LRRC74B: variants seen among roughly 807,000 people sequenced by gnomAD.
LRRC74B encodes leucine-rich repeat-containing protein 74B.
LRRC74B carries 30 observed loss-of-function variants against 16.6 expected under a neutral mutation model. The ratio of observed to expected loss-of-function variants is 1.80; its 90% confidence interval spans 1.35 to 2.45. The LOEUF is 2.45. Among genes scored for constraint, LRRC74B ranks in the 30% most tolerant of loss-of-function variants. LRRC74B has a pLI of 0.00. For missense variants in LRRC74B, 326 were observed against 202.4 expected, an observed-to-expected ratio of 1.61 and a Z score of -3.71; for synonymous variants, 134 against 86.0, an observed-to-expected ratio of 1.56 and a Z score of -3.09.
chr22:21,060,023 G>A (rs367938597), intron 8 of LRRC74B, among the ~76,000 whole-genome samples: 5,422 of 151,804 alleles, frequency 0.036, 214 homozygotes, highest in African/African-American at 0.1. Context: ...CAGCATAGCC[G>A]GGCATGGTGG....
intron 7 of LRRC74B, among the ~76,000 whole-genome samples, chr22:21,055,678 GGTAC>G (rs1057452230): frequency 2.6e-5 from 4 of 152,114 alleles, no homozygotes; most frequent in African/African-American, 9.7e-5. Flanking sequence ...GCCCACAGCA[GGTAC>G]GTGCTGGGGG....
intron 5 of LRRC74B, 136 bp downstream of exon 5, chr22:21,052,494 G>A (rs1184758337): frequency 1.1e-5 from 7 of 619,966 alleles, no homozygotes; most frequent in Non-Finnish European, 2.0e-5. Flanking sequence ...TGTTTCTTTA[G>A]GTGATTTTAA....
intron 4 of LRRC74B, among the ~76,000 whole-genome samples, chr22:21,049,715 C>T (rs1929831067): frequency 6.6e-6 from 1 of 151,684 alleles, no homozygotes; most frequent in Non-Finnish European, 1.5e-5. Context: ...CGTGGCCAGG[C>T]TGTGGGGTGG....
rs1213515165 is a variant in LRRC74B at position 21,055,177 on chromosome 22, G to A, written c.927+1G>A. On this transcript the variant is annotated splice_donor_variant, in intron 7 of 8. Coordinates refer to ENST00000442047, the Ensembl canonical transcript of LRRC74B. LOFTEE classifies it high-confidence loss of function. Reference sequence around the variant, plus strand: ...CAACCAGACGCTGAGGATTCTTGTAGTGAGTGCTAGCCTGATGACTGAGAC... The same window carrying A: ...CAACCAGACGCTGAGGATTCTTGTAATGAGTGCTAGCCTGATGACTGAGAC... 1 of 715,472 alleles carries A rather than the reference G, an allele frequency of 1.4e-6. No homozygotes were observed. The highest frequency in any genetic ancestry group is 2.6e-6 in the Non-Finnish European group (1 of 385,018). The allele number at this position is 715,472 out of a possible 1,614,324, so 44.3% of individuals were successfully genotyped here.
At chr22:21,046,786 G>A (rs1323131049) in intron 1 of LRRC74B, among the ~76,000 whole-genome samples, 2 of 151,746 alleles carry the variant, frequency 1.3e-5, no homozygotes, top group African/African-American at 2.4e-5. Flanking sequence ...AGACCACCAC[G>A]TCTGGCTAAT....
At chr22:21,051,132 A>C (rs563943099) in intron 4 of LRRC74B, among the ~76,000 whole-genome samples, 1 of 152,228 alleles carries the variant, frequency 6.6e-6, no homozygotes, top group South Asian at 2.1e-4. Context: ...GGGTTGGGCA[A>C]CAGGGTGAGA....
intron 1 of LRRC74B, 103 bp downstream of exon 1, chr22:21,046,228 C>T (rs1712398245): frequency 4.7e-6 from 3 of 638,482 alleles, no homozygotes; most frequent in South Asian, 3.6e-5. Context: ...GGAACGTACC[C>T]GCCTGCGGGG....
At chr22:21,059,637 G>A (rs1711862287) in intron 8 of LRRC74B, among the ~76,000 whole-genome samples, 1 of 152,194 alleles carries the variant, frequency 6.6e-6, no homozygotes, top group African/African-American at 2.4e-5. Flanking sequence ...TTCCTTAACT[G>A]TTGTTATCTG....
At chr22:21,056,107 C>G (rs540165990) in intron 7 of LRRC74B, among the ~76,000 whole-genome samples, 2 of 152,168 alleles carry the variant, frequency 1.3e-5, no homozygotes, top group Non-Finnish European at 1.5e-5. Context: ...TTCCTGGCTG[C>G]GGTTCTTTCT....
chr22:21,061,894 G>T (rs1930824776), downstream of LRRC74B: 2 of 152,120 alleles, frequency 1.3e-5, no homozygotes, highest in African/African-American at 4.8e-5. Flanking sequence ...GGAATTTGAG[G>T]TGATACCAAT....
rs777808667 is a variant in LRRC74B, at chr22:21,048,964, G to A, written c.429G>A (p.Ser143=). ...TCTGTCCCCCAGATGTGGACCTGTC[G>A]GAGAACCAGCTGGGAGTGGCAGGAG... Residue 143 remains serine, a synonymous_variant, in exon 4 of 9, where the codon TCG becomes TCA. Transcript: ENST00000442047. The A allele has an allele frequency of 2.4e-4, 175 of 716,164 alleles. 1 individual carries two copies. The highest frequency in any genetic ancestry group is 8.0e-5 in the Admixed American group (4 of 49,988). 44.4% of individuals were successfully genotyped at this position (716,164 alleles called of 1,614,324 possible).
chr22:21,057,332 G>A (rs1052572332), intron 8 of LRRC74B, 132 bp downstream of exon 8: 6 of 616,738 alleles, frequency 9.7e-6, no homozygotes, highest in African/African-American at 9.2e-5. Context: ...CAGAAGCAGA[G>A]TTGCAACGGG....
intron 8 of LRRC74B, among the ~76,000 whole-genome samples, chr22:21,057,435 T>C (rs1930600894): frequency 6.6e-6 from 1 of 151,768 alleles, no homozygotes; most frequent in Non-Finnish European, 1.5e-5. Flanking sequence ...GGGTTCTTCA[T>C]TGGCTGAGAG....
chr22:21,049,735 AGG>A (rs374503650), intron 4 of LRRC74B, among the ~76,000 whole-genome samples: 4,154 of 152,088 alleles, frequency 0.027, 66 homozygotes, highest in Non-Finnish European at 0.039. Flanking sequence ...GAGAGGGCAG[AGG>A]GGGCTGCAGG....
At chr22:21,063,429 T>A (rs963228914), downstream of LRRC74B, 1 of 152,076 alleles carries the variant, frequency 6.6e-6, no homozygotes, top group African/African-American at 2.4e-5. Context: ...CAGGGCATGA[T>A]GGCTCACGCC....
chr22:21,053,851 T>G (rs1467925518), intron 6 of LRRC74B: 2 of 161,852 alleles, frequency 1.2e-5, no homozygotes, highest in African/African-American at 4.8e-5. Context: ...TGAAGCAGTC[T>G]TCCTGCCTCA....
chr22:21,047,821 G>C (rs1339525225), intron 2 of LRRC74B, 63 bp from the exon 3 acceptor site: 1 of 702,724 alleles, frequency 1.4e-6, no homozygotes, highest in Non-Finnish European at 2.7e-6. Context: ...AGGATGTGGA[G>C]TGGGCTGAGC....
downstream of LRRC74B, among the ~76,000 whole-genome samples, chr22:21,061,321 A>C (rs1266976078): frequency 2.0e-5 from 3 of 152,088 alleles, no homozygotes; most frequent in African/African-American, 7.2e-5. Context: ...TCTGTCTCAA[A>C]AAAAAAAAAG....
intron 2 of LRRC74B, 24 bp downstream of exon 2, chr22:21,047,522 C>A: frequency 1.4e-6 from 1 of 716,528 alleles, no homozygotes; most frequent in South Asian, 1.5e-5. Flanking sequence ...GACACTGTAT[C>A]CAGGCTTACG....
Sources: allele counts gnomAD v4.1 joint callset (sites outside exome capture counted in the v4.1 genomes callset), GRCh38; gene constraint gnomAD v4.1.1; transcripts MANE v1.5; gene names NCBI Gene and HGNC (gene_info 2026-07-23, HGNC 2026-07-21).